Variants in FRMD5 observed in about 807,000 individuals in gnomAD.
FRMD5 encodes the protein FERM domain containing 5, also known as FERM domain-containing protein 5.
Under a neutral mutation model 69.0 loss-of-function variants are expected in FRMD5, and 20 were observed. That is an observed-to-expected ratio of 0.29 (90% CI 0.20 to 0.42). The LOEUF is 0.42. Ranked by LOEUF, FRMD5 falls within the 10% of genes least tolerant of loss-of-function variation. FRMD5 has a pLI of 1.00. For missense variants in FRMD5, 595 were observed against 708.6 expected, an observed-to-expected ratio of 0.84 and a Z score of 1.82; for synonymous variants, 271 against 260.1, an observed-to-expected ratio of 1.04 and a Z score of -0.40.
chr15:43,879,921 G>A (rs1032336970), intron 13 of FRMD5: 18 of 339,354 alleles, frequency 5.3e-5, no homozygotes, highest in Non-Finnish European at 8.5e-5. Context: ...CCGTTATCAG[G>A]GGACTGGATT....
chr15:44,133,946 A>G (rs1358020944), intron 1 of FRMD5, among the ~76,000 whole-genome samples: 1 of 152,148 alleles, frequency 6.6e-6, no homozygotes, highest in East Asian at 1.9e-4. Context: ...TTAGCCCTAG[A>G]AGGCTGAAAA....
chr15:43,888,299 G>A, intron 9 of FRMD5, 33 bp from the exon 10 acceptor site: 1 of 1,476,636 alleles, frequency 6.8e-7, no homozygotes, highest in Non-Finnish European at 9.5e-7. Context: ...ATGGCTGAGT[G>A]TGGATGGAGA....
intron 1 of FRMD5, among the ~76,000 whole-genome samples, chr15:44,093,497 T>C (rs542425917): frequency 6.6e-5 from 10 of 152,124 alleles, no homozygotes; most frequent in African/African-American, 2.4e-4. Context: ...AGGGTAGAAA[T>C]GACTACATCC....
At chr15:43,986,795 T>G (rs1020178300) in intron 1 of FRMD5, among the ~76,000 whole-genome samples, 8 of 150,792 alleles carry the variant, frequency 5.3e-5, no homozygotes, top group African/African-American at 1.9e-4. Flanking sequence ...TATTGTGGGG[T>G]TTTTGTTTTT....
intron 1 of FRMD5, among the ~76,000 whole-genome samples, chr15:44,084,248 C>G (rs1011930278): frequency 6.6e-6 from 1 of 151,932 alleles, no homozygotes; most frequent in South Asian, 2.1e-4. Flanking sequence ...TTATACATAC[C>G]CCCTGTTTTG....
intron 11 of FRMD5, 142 bp downstream of exon 11, chr15:43,885,539 A>C: frequency 1.4e-6 from 1 of 698,448 alleles, no homozygotes. Flanking sequence ...TAAAAGGGTC[A>C]TAAGATGGGA....
intron 1 of FRMD5, among the ~76,000 whole-genome samples, chr15:43,941,237 G>A (rs376560196): frequency 2.6e-5 from 4 of 152,170 alleles, no homozygotes; most frequent in South Asian, 2.1e-4. Context: ...GTGTGGTAAC[G>A]TGTGCCTGTA....
At chr15:44,117,269 T>C (rs2076882740) in intron 1 of FRMD5, among the ~76,000 whole-genome samples, 1 of 151,924 alleles carries the variant, frequency 6.6e-6, no homozygotes, top group Admixed American at 6.6e-5. Flanking sequence ...AGAGAATGAG[T>C]GGTAGAGAAA....
intron 1 of FRMD5, among the ~76,000 whole-genome samples, chr15:44,113,182 T>A (rs1204174459): frequency 6.6e-6 from 1 of 152,194 alleles, no homozygotes; most frequent in Non-Finnish European, 1.5e-5. Context: ...ATGCCACTTA[T>A]ACCAAATAGG....
At chr15:43,923,062 C>CA (rs2089524359) in intron 2 of FRMD5, among the ~76,000 whole-genome samples, 2 of 152,158 alleles carry the variant, frequency 1.3e-5, no homozygotes, top group African/African-American at 2.4e-5. Context: ...AGTACATCTC[C>CA]ACAAAGAGCA....
At chr15:44,052,088 G>C (rs909080970) in intron 1 of FRMD5, among the ~76,000 whole-genome samples, 2 of 151,984 alleles carry the variant, frequency 1.3e-5, no homozygotes, top group South Asian at 4.2e-4. Context: ...GAACAAAGTA[G>C]TTACATATAT....
upstream of FRMD5, among the ~76,000 whole-genome samples, chr15:44,198,254 G>T (rs2078323446): frequency 6.6e-6 from 1 of 150,892 alleles, no homozygotes; most frequent in African/African-American, 2.4e-5. Context: ...AGCCTAGGGG[G>T]AGGGGAAGGT....
intron 1 of FRMD5, among the ~76,000 whole-genome samples, chr15:44,022,100 A>G (rs1891232997): frequency 6.6e-6 from 1 of 152,222 alleles, no homozygotes; most frequent in Non-Finnish European, 1.5e-5. Flanking sequence ...ATAGGGACAG[A>G]AAGTAGAAGA....
intron 1 of FRMD5, among the ~76,000 whole-genome samples, chr15:44,120,294 G>T (rs1028015902): frequency 1.3e-5 from 2 of 152,194 alleles, no homozygotes; most frequent in East Asian, 1.9e-4. Context: ...GGAAGATTAG[G>T]TAAGAGGCCA....
At chr15:44,116,040 C>T (rs2076863333) in intron 1 of FRMD5, among the ~76,000 whole-genome samples, 1 of 152,084 alleles carries the variant, frequency 6.6e-6, no homozygotes, top group Non-Finnish European at 1.5e-5. Context: ...TCTGTCACCC[C>T]TATTTGATTG....
intron 11 of FRMD5, 66 bp from the exon 12 acceptor site, chr15:43,884,861 A>G (rs2088625961): frequency 7.3e-7 from 1 of 1,364,278 alleles, no homozygotes; most frequent in South Asian, 1.2e-5. Flanking sequence ...GCTCCTCTCC[A>G]AGATCTTAGG....
At chr15:43,891,874 G>T in intron 8 of FRMD5, 107 bp downstream of exon 8, 1 of 850,328 alleles carries the variant, frequency 1.2e-6, no homozygotes, top group Non-Finnish European at 2.0e-6. Context: ...GCTTTGGAGA[G>T]GGCTCTGAAC....
intron 1 of FRMD5, among the ~76,000 whole-genome samples, chr15:44,060,031 T>C (rs1427490602): frequency 6.6e-6 from 1 of 152,180 alleles, no homozygotes. Flanking sequence ...GCTGACAATG[T>C]GTACGACACA....
chr15:44,043,939 C>T (rs190141531), intron 1 of FRMD5, among the ~76,000 whole-genome samples: 1 of 152,196 alleles, frequency 6.6e-6, no homozygotes, highest in African/African-American at 2.4e-5. Flanking sequence ...TCTAATTAAA[C>T]TAAAGAGCTG....
Sources: gnomAD v4.1 joint callset for allele counts (sites outside exome capture counted in the v4.1 genomes callset) on GRCh38, gnomAD v4.1.1 for gene constraint, MANE v1.5 for transcripts, NCBI Gene and HGNC (gene_info 2026-07-23, HGNC 2026-07-21) for gene names.